The following AKT3 variants were observed in gnomAD, a reference collection of about 807,000 sequenced individuals.
AKT3 encodes the protein AKT serine/threonine kinase 3, also known as RAC-gamma serine/threonine-protein kinase.
A neutral mutation model predicts 65.3 loss-of-function variants in AKT3; 15 were observed. The observed-to-expected ratio is 0.23, with a 90% CI of 0.15 to 0.35. The LOEUF is 0.35. Among genes scored for constraint, AKT3 ranks in the 10% least tolerant of loss-of-function variants. The pLI is 1.00. For synonymous variants in AKT3, 206 were observed against 183.8 expected (o/e 1.12, Z -0.98); for missense variants, 243 against 576.5 (o/e 0.42, Z 5.92).
downstream of AKT3, among the ~76,000 whole-genome samples, chr1:243,495,115 A>G (rs1438598519): frequency 1.3e-5 from 2 of 152,244 alleles, no homozygotes; most frequent in Admixed American, 6.5e-5. Flanking sequence ...CTGGAAGATG[A>G]CAAACTCAGA....
chr1:243,615,074 C>T, intron 7 of AKT3, 22 bp downstream of exon 7: 1 of 1,507,280 alleles, frequency 6.6e-7, no homozygotes, highest in Non-Finnish European at 9.1e-7. Context: ...ACGATTATAA[C>T]ATCTGTCCTC....
intron 13 of AKT3, among the ~76,000 whole-genome samples, chr1:243,491,288 CA>C (rs964366780): frequency 6.6e-6 from 1 of 152,174 alleles, no homozygotes; most frequent in Admixed American, 6.5e-5. Context: ...CCCCAAACCT[CA>C]AAAAATCCTC....
chr1:243,636,932 T>C (rs1680017362), intron 6 of AKT3, among the ~76,000 whole-genome samples: 2 of 152,082 alleles, frequency 1.3e-5, no homozygotes, highest in South Asian at 2.1e-4. Flanking sequence ...GAAACTATAG[T>C]AGCAAATAAC....
At chr1:243,796,792 T>C (rs987343525) in intron 2 of AKT3, among the ~76,000 whole-genome samples, 1 of 152,154 alleles carries the variant, frequency 6.6e-6, no homozygotes, top group Non-Finnish European at 1.5e-5. Flanking sequence ...TGGAGTGTTA[T>C]TTAGCCTTAA....
chr1:243,605,231 T>C (rs1359072438), intron 8 of AKT3, among the ~76,000 whole-genome samples: 1 of 151,946 alleles, frequency 6.6e-6, no homozygotes, highest in Non-Finnish European at 1.5e-5. Flanking sequence ...TCTCACCATG[T>C]TCGCCAGGCT....
At chr1:243,798,536 G>C (rs1334466005) in intron 2 of AKT3, among the ~76,000 whole-genome samples, 1 of 150,986 alleles carries the variant, frequency 6.6e-6, no homozygotes, top group Non-Finnish European at 1.5e-5. Flanking sequence ...CTTTGTGCCA[G>C]GCCTTCTATT....
intron 2 of AKT3, chr1:243,788,855 A>G (rs929606275): frequency 6.6e-6 from 1 of 152,318 alleles, no homozygotes; most frequent in African/African-American, 2.4e-5. Flanking sequence ...AGTTTGCCAC[A>G]TCAATTGACT....
intron 8 of AKT3, among the ~76,000 whole-genome samples, chr1:243,603,517 C>T (rs1677167875): frequency 6.6e-6 from 1 of 152,220 alleles, no homozygotes; most frequent in Non-Finnish European, 1.5e-5. Context: ...GTGTCTACAG[C>T]ATGCCTTACT....
intron 12 of AKT3, among the ~76,000 whole-genome samples, chr1:243,513,539 A>T (rs1670152271): frequency 6.6e-6 from 1 of 152,256 alleles, no homozygotes; most frequent in Admixed American, 6.5e-5. Context: ...TCTTTAAATT[A>T]TTCTCTAGAC....
chr1:243,571,731 G>A (rs1386334456), intron 9 of AKT3, among the ~76,000 whole-genome samples: 1 of 152,134 alleles, frequency 6.6e-6, no homozygotes, highest in Non-Finnish European at 1.5e-5. Flanking sequence ...GGATTATCTG[G>A]CCATGCAGAT....
At chr1:243,782,474 C>G (rs1300708321) in intron 2 of AKT3, among the ~76,000 whole-genome samples, 1 of 152,166 alleles carries the variant, frequency 6.6e-6, no homozygotes, top group Non-Finnish European at 1.5e-5. Context: ...AACTACTTCA[C>G]TGGGGTACCT....
intron 4 of AKT3, among the ~76,000 whole-genome samples, chr1:243,655,667 A>G (rs1681722018): frequency 6.6e-6 from 1 of 152,190 alleles, no homozygotes; most frequent in African/African-American, 2.4e-5. Flanking sequence ...AATAATTTAT[A>G]GTTATATGTC....
intron 2 of AKT3, among the ~76,000 whole-genome samples, chr1:243,736,534 C>G (rs1687852267): frequency 6.6e-6 from 1 of 152,020 alleles, no homozygotes; most frequent in African/African-American, 2.4e-5. Flanking sequence ...ATGGCCCTAC[C>G]AATAAAGGTT....
chr1:243,825,299 G>C (rs1225066703), intron 2 of AKT3, among the ~76,000 whole-genome samples: 1 of 152,102 alleles, frequency 6.6e-6, no homozygotes, highest in Non-Finnish European at 1.5e-5. Flanking sequence ...ATGCATGTTG[G>C]GCTTAATACC....
intron 12 of AKT3, among the ~76,000 whole-genome samples, chr1:243,522,075 A>G (rs943975353): frequency 6.6e-6 from 1 of 152,216 alleles, no homozygotes; most frequent in Non-Finnish European, 1.5e-5. Context: ...AGCCTTTTTA[A>G]AAGGCATGAG....
chr1:243,679,520 TGTAA>T (rs1048823845), intron 3 of AKT3, among the ~76,000 whole-genome samples: 30 of 152,216 alleles, frequency 2.0e-4, no homozygotes, highest in African/African-American at 7.2e-4. Flanking sequence ...GACAAAGTTC[TGTAA>T]GTGACAGATA....
chr1:243,529,047 T>G (rs537498634), intron 12 of AKT3, among the ~76,000 whole-genome samples: 1 of 152,310 alleles, frequency 6.6e-6, no homozygotes, highest in South Asian at 2.1e-4. Flanking sequence ...ATTTCTCTAA[T>G]GATTAGTGAT....
rs116752735 is a variant in AKT3 at position 243,648,531 on chromosome 1, T to C, written c.285-2494A>G. ...TGTTCACAAGTGTATTGGGCTATAG[T>C]TGTCTTTTCTTAAAATAGTTCTGTC... On this transcript the variant is annotated intron_variant, in intron 4 of 13. Transcript: ENST00000673466. Among the ~76,000 whole-genome samples, 779 of 152,232 alleles carry C rather than the reference T, an allele frequency of 5.1e-3. 9 individuals are homozygous for C. The highest frequency in any genetic ancestry group is 0.018 in the African/African-American group (739 of 41,550).
chr1:243,807,554 G>T (rs1572384326), intron 2 of AKT3, among the ~76,000 whole-genome samples: 1 of 152,202 alleles, frequency 6.6e-6, no homozygotes, highest in African/African-American at 2.4e-5. Flanking sequence ...ACTGGGTGGA[G>T]CCCACCACAA....
Sources: allele counts gnomAD v4.1 joint callset (sites outside exome capture counted in the v4.1 genomes callset), GRCh38; gene constraint gnomAD v4.1.1; transcripts MANE v1.5; gene names NCBI Gene and HGNC (gene_info 2026-07-23, HGNC 2026-07-21).